USH2A: variants seen among roughly 807,000 people sequenced by gnomAD.
USH2A encodes Usher syndrome 2A (autosomal recessive, mild).
A neutral mutation model predicts 538.9 loss-of-function variants in USH2A; 443 were observed. The ratio of observed to expected loss-of-function variants is 0.82; its 90% CI spans 0.76 to 0.89. USH2A has a LOEUF of 0.89. USH2A is among the 40% of genes least tolerant of loss of function. The pLI is 0.00. For synonymous variants in USH2A, 2,413 were observed against 2,273.5 expected, an observed-to-expected ratio of 1.06 and a Z score of -1.75; for missense variants, 6,633 against 6,324.8, an observed-to-expected ratio of 1.05 and a Z score of -1.65.
At position 215,728,383 on chromosome 1, in the gene USH2A, G is replaced by A. The variant is rs368675850; in HGVS notation, c.11713C>T (p.Arg3905Cys). 2.7e-5 allele frequency: 43 copies of A among 1,613,884 alleles called. No individual in the cohort carries two copies. Among genetic ancestry groups the A allele is most frequent in the African/African-American group, 8.0e-5 (6 of 75,036 alleles). ...GACTCCTCTTCAATGCCAGCAGGGC[G>A]TCTGAAAGGAAACCAAGCAGGCAAC... is the stretch of plus-strand genomic sequence containing the variant. ...GIIINYFIYRRPAGIEEESVL... is the reference protein window; with the variant it reads ...GIIINYFIYRCPAGIEEESVL... The change falls in exon 61 of 72, where the codon CGC becomes TGC. Residue 3905 changes from arginine (R) to cysteine (C), a missense_variant and splice_region_variant. Transcript: ENST00000307340.
intron 55 of USH2A, among the ~76,000 whole-genome samples, chr1:215,770,414 GA>G (rs901514643): frequency 5.0e-4 from 71 of 142,150 alleles, no homozygotes; most frequent in African/African-American, 9.3e-4. Context: ...TGCTCAAAAC[GA>G]AAAAAAAAAG....
chr1:215,903,541 T>C (rs1230058352), intron 38 of USH2A, among the ~76,000 whole-genome samples: 2 of 151,972 alleles, frequency 1.3e-5, no homozygotes, highest in Non-Finnish European at 2.9e-5. Context: ...AAAGTCCTAG[T>C]GTGGGAAGAG....
In USH2A at chr1:215,879,032, G is replaced by A; in HGVS notation, c.8290C>T (p.Pro2764Ser). The change falls in exon 42 of 72, where the codon CCT becomes TCT. Residue 2764 changes from proline to serine, a missense_variant. Transcript: ENST00000307340. ...ILSYEIHMPD[P>S]HITLTNVTSA... ...GTCACATTGGTTAAAGTGATGTGAG[G>A]GTCAGGCATGTGAATCTCATAGCTA... 6.2e-7 allele frequency: 1 copy of A among 1,614,016 alleles called. No homozygotes were observed. The highest frequency in any genetic ancestry group is 1.3e-5 in the African/African-American group (1 of 75,024).
intron 49 of USH2A, among the ~76,000 whole-genome samples, chr1:215,806,365 G>A (rs1038134320): frequency 5.9e-5 from 9 of 152,038 alleles, no homozygotes; most frequent in Non-Finnish European, 1.3e-4. Context: ...GTCTCTTTCT[G>A]TAACTCCCAG....
chr1:216,299,687 A>G (rs1480365748), intron 9 of USH2A, among the ~76,000 whole-genome samples: 4 of 152,282 alleles, frequency 2.6e-5, no homozygotes, highest in East Asian at 3.9e-4. Flanking sequence ...TAAGAAAATT[A>G]ATATGTTTCA....
At chr1:215,689,198 G>A (rs929204621) in intron 61 of USH2A, among the ~76,000 whole-genome samples, 1 of 152,150 alleles carries the variant, frequency 6.6e-6, no homozygotes, top group Non-Finnish European at 1.5e-5. Flanking sequence ...CAAGTAGACA[G>A]ACCAATGAAA....
intron 47 of USH2A, among the ~76,000 whole-genome samples, chr1:215,818,865 T>C (rs1558112597): frequency 6.6e-6 from 1 of 151,778 alleles, no homozygotes; most frequent in Non-Finnish European, 1.5e-5. Context: ...GTAGTTAAAG[T>C]TTTTAATAAA....
intron 21 of USH2A, among the ~76,000 whole-genome samples, chr1:216,118,716 C>T (rs1452544183): frequency 2.6e-5 from 4 of 152,196 alleles, no homozygotes; most frequent in Admixed American, 6.5e-5. Flanking sequence ...GATCTAGGCT[C>T]TAAACAATTC....
At chr1:216,059,214 T>G (rs1333908936) in intron 30 of USH2A, among the ~76,000 whole-genome samples, 1 of 152,210 alleles carries the variant, frequency 6.6e-6, no homozygotes, top group Non-Finnish European at 1.5e-5. Flanking sequence ...TAATTTAATT[T>G]AATCTTACTG....
intron 44 of USH2A, among the ~76,000 whole-genome samples, chr1:215,852,200 C>A (rs543747247): frequency 6.6e-6 from 1 of 152,268 alleles, no homozygotes; most frequent in Non-Finnish European, 1.5e-5. Flanking sequence ...TTCCGCATGG[C>A]TGGGGATGCC....
chr1:215,887,063 T>G (rs1189808519), intron 41 of USH2A, among the ~76,000 whole-genome samples: 1 of 152,154 alleles, frequency 6.6e-6, no homozygotes, highest in Admixed American at 6.5e-5. Flanking sequence ...TTCACTGTGT[T>G]GGCCAGGATG....
intron 13 of USH2A, among the ~76,000 whole-genome samples, chr1:216,241,744 G>C (rs1383060938): frequency 3.3e-5 from 5 of 152,102 alleles, no homozygotes; most frequent in Non-Finnish European, 5.9e-5. Flanking sequence ...ATGTTGCTCA[G>C]GCTGGTCTCA....
intron 44 of USH2A, among the ~76,000 whole-genome samples, chr1:215,863,948 G>C (rs914481789): frequency 7.2e-5 from 11 of 152,092 alleles, no homozygotes; most frequent in Admixed American, 6.6e-4. Flanking sequence ...CAGTAAAGTA[G>C]ACAATATTTT....
At chr1:216,193,758 TAGAAG>T (rs931733418) in intron 19 of USH2A, among the ~76,000 whole-genome samples, 3 of 152,078 alleles carry the variant, frequency 2.0e-5, no homozygotes, top group Admixed American at 2.0e-4. Flanking sequence ...CACAGGTAGG[TAGAAG>T]AGAAGAATTG....
At position 215,888,967 on chromosome 1, in the gene USH2A, C is replaced by G. The variant is rs1384453716; in HGVS notation, c.7682G>C (p.Gly2561Ala). 2.5e-6 allele frequency: 4 copies of G among 1,614,038 alleles called. No individual in the cohort carries two copies. The highest frequency in any genetic ancestry group is 3.4e-6 in the Non-Finnish European group (4 of 1,180,000). ...VTWQHPRKSN[G>A]VITHYNIYLH... ...ATAAATGTTATAATGGGTAATAACCCCATTGGATTTTCTAGGATGCTGCCA... is the reference window on the plus strand; with the variant it reads ...ATAAATGTTATAATGGGTAATAACCGCATTGGATTTTCTAGGATGCTGCCA... The change falls in exon 41 of 72, where the codon GGG becomes GCG. Residue 2561 changes from glycine to alanine, a missense_variant. Gly to Ala is a moderately conservative substitution (Grantham distance 60). Transcript: ENST00000307340.
intron 57 of USH2A, among the ~76,000 whole-genome samples, 168 bp from the exon 58 acceptor site, chr1:215,758,920 T>C (rs887213744): frequency 6.6e-6 from 1 of 152,224 alleles, no homozygotes; most frequent in African/African-American, 2.4e-5. Context: ...ACAGGCAACA[T>C]TGTCTCCAAG....
At chr1:215,720,788 C>T (rs1156903532) in intron 61 of USH2A, among the ~76,000 whole-genome samples, 1 of 152,078 alleles carries the variant, frequency 6.6e-6, no homozygotes, top group Non-Finnish European at 1.5e-5. Flanking sequence ...TTGCCTGCAT[C>T]AGAGGACTAT....
chr1:215,754,283 G>A (rs556157516), intron 58 of USH2A, among the ~76,000 whole-genome samples: 2 of 152,188 alleles, frequency 1.3e-5, no homozygotes, highest in South Asian at 4.1e-4. Flanking sequence ...AGTATCACGG[G>A]TACTCTTCCC....
At chr1:215,780,193 T>TC in intron 54 of USH2A, 152 bp from the exon 55 acceptor site, 1 of 852,426 alleles carries the variant, frequency 1.2e-6, no homozygotes, top group South Asian at 1.6e-5. Flanking sequence ...TTCATTTTTT[T>TC]CCCTCCCAAC....
Sources: allele counts gnomAD v4.1 joint callset (sites outside exome capture counted in the v4.1 genomes callset), GRCh38; gene constraint gnomAD v4.1.1; transcripts MANE v1.5; gene names NCBI Gene and HGNC (gene_info 2026-07-23, HGNC 2026-07-21).